ZMYND8: variants seen among roughly 807,000 people sequenced by gnomAD.
ZMYND8 encodes zinc finger MYND-type containing 8.
ZMYND8 carries 37 observed loss-of-function variants against 140.8 expected under a neutral mutation model. The ratio of observed to expected loss-of-function variants is 0.26; its 90% CI spans 0.20 to 0.35. The LOEUF (loss-of-function observed/expected upper bound fraction) is 0.35. Ranked by LOEUF, ZMYND8 falls within the 10% of genes least tolerant of loss-of-function variation. The pLI is 1.00. For missense variants in ZMYND8, 1,068 were observed against 1,570.0 expected (o/e 0.68, Z 5.40); for synonymous variants, 592 against 597.1 (o/e 0.99, Z 0.12).
intron 1 of ZMYND8, chr20:47,353,144 T>C (rs1428178647): frequency 6.6e-6 from 1 of 152,172 alleles, no homozygotes; most frequent in East Asian, 1.9e-4. Flanking sequence ...TTTAAAAACC[T>C]ACCTTTGCCT....
intron 10 of ZMYND8, among the ~76,000 whole-genome samples, chr20:47,281,321 C>CT (rs1353343125): frequency 2.0e-5 from 3 of 152,132 alleles, no homozygotes; most frequent in African/African-American, 4.8e-5. Context: ...TCTGGACACT[C>CT]TGTGTGTGTA....
chr20:47,354,848 T>G (rs1181763693), intron 1 of ZMYND8, among the ~76,000 whole-genome samples: 1 of 152,092 alleles, frequency 6.6e-6, no homozygotes, highest in East Asian at 1.9e-4. Context: ...CCTTAAGTGG[T>G]CAAGGGAAAT....
intron 22 of ZMYND8, among the ~76,000 whole-genome samples, chr20:47,211,836 G>A (rs145343458): frequency 6.6e-6 from 1 of 152,112 alleles, no homozygotes. Context: ...TACTACCTAG[G>A]GGGGCTGCAT....
chr20:47,255,561 AGT>A (rs141205253), intron 12 of ZMYND8, among the ~76,000 whole-genome samples: 8,691 of 119,762 alleles, frequency 0.073, 371 homozygotes, highest in Non-Finnish European at 0.093. Context: ...ACATATACTC[AGT>A]GTGTGTGTGT....
At chr20:47,325,079 A>G (rs1170095605) in intron 2 of ZMYND8, among the ~76,000 whole-genome samples, 1 of 151,802 alleles carries the variant, frequency 6.6e-6, no homozygotes, top group East Asian at 1.9e-4. Context: ...TAATTTTTGT[A>G]TTTTTGGTAG....
At chr20:47,213,591 C>T (rs949063748) in intron 21 of ZMYND8, among the ~76,000 whole-genome samples, 1 of 152,160 alleles carries the variant, frequency 6.6e-6, no homozygotes, top group Non-Finnish European at 1.5e-5. Context: ...GGGAAAGTCA[C>T]AGGACAGGTG....
At chr20:47,230,457 AT>A (rs1265234895) in intron 16 of ZMYND8, among the ~76,000 whole-genome samples, 2 of 151,282 alleles carry the variant, frequency 1.3e-5, no homozygotes, top group Non-Finnish European at 2.9e-5. Flanking sequence ...CACCCAGCTA[AT>A]TTTTTTTCTA....
intron 21 of ZMYND8, 67 bp from the exon 22 acceptor site, chr20:47,212,792 C>T: frequency 5.6e-6 from 8 of 1,433,814 alleles, no homozygotes; most frequent in Non-Finnish European, 7.6e-6. Context: ...ACCCCAAGTG[C>T]TTACTATTTT....
chr20:47,234,511 T>C (rs1292137177), intron 16 of ZMYND8, among the ~76,000 whole-genome samples: 2 of 152,104 alleles, frequency 1.3e-5, no homozygotes, highest in Admixed American at 1.3e-4. Flanking sequence ...TTTGTGTGAG[T>C]CCCAAACCCT....
intron 2 of ZMYND8, among the ~76,000 whole-genome samples, chr20:47,321,638 T>G (rs1355899788): frequency 6.6e-6 from 1 of 152,092 alleles, no homozygotes; most frequent in Non-Finnish European, 1.5e-5. Context: ...GGCCCTGACT[T>G]CAGACTTCAA....
At chr20:47,307,481 T>C (rs2078582438) in intron 3 of ZMYND8, among the ~76,000 whole-genome samples, 1 of 151,500 alleles carries the variant, frequency 6.6e-6, no homozygotes, top group African/African-American at 2.4e-5. Context: ...AATAAATAAA[T>C]AAAGGGACAC....
At chr20:47,294,370 AC>A (rs1461740866) in intron 5 of ZMYND8, among the ~76,000 whole-genome samples, 1 of 132,600 alleles carries the variant, frequency 7.5e-6, no homozygotes. Context: ...AAACAAACAA[AC>A]AAAAAAAAAA....
chr20:47,258,702 T>A (rs570522382), intron 12 of ZMYND8, among the ~76,000 whole-genome samples: 2 of 152,288 alleles, frequency 1.3e-5, no homozygotes, highest in Admixed American at 1.3e-4. Flanking sequence ...TGTCCCTGTC[T>A]GGGGAAAGTC....
chr20:47,247,381 T>C (rs1328139185), intron 13 of ZMYND8, among the ~76,000 whole-genome samples: 1 of 152,150 alleles, frequency 6.6e-6, no homozygotes, highest in Non-Finnish European at 1.5e-5. Flanking sequence ...TCGTGGAAAG[T>C]CAACTGCCAC....
chr20:47,213,399 A>C (rs1002334857), intron 21 of ZMYND8, among the ~76,000 whole-genome samples: 1 of 152,270 alleles, frequency 6.6e-6, no homozygotes, highest in Non-Finnish European at 1.5e-5. Context: ...ACTCCAGGAA[A>C]AAGGCTATAA....
At chr20:47,214,830 G>A (rs555379870) in intron 21 of ZMYND8, among the ~76,000 whole-genome samples, 12 of 152,204 alleles carry the variant, frequency 7.9e-5, no homozygotes, top group African/African-American at 2.4e-4. Flanking sequence ...GTGTAGCCCC[G>A]GGTGCACCTC....
intron 2 of ZMYND8, among the ~76,000 whole-genome samples, chr20:47,345,702 T>C (rs1454511379): frequency 6.6e-6 from 1 of 151,860 alleles, no homozygotes; most frequent in African/African-American, 2.4e-5. Context: ...AGAGATGGGG[T>C]TTCACCGTGT....
At chr20:47,272,245 T>C (rs1351033976) in intron 11 of ZMYND8, among the ~76,000 whole-genome samples, 17 of 150,546 alleles carry the variant, frequency 1.1e-4, no homozygotes, top group Admixed American at 1.1e-3. Flanking sequence ...GCCCAGCTAA[T>C]TTTTTGTATT....
intron 11 of ZMYND8, among the ~76,000 whole-genome samples, chr20:47,270,848 C>G (rs192187561): frequency 6.6e-6 from 1 of 151,694 alleles, no homozygotes; most frequent in South Asian, 2.1e-4. Context: ...GAGGCAGAGG[C>G]GGGCAGATCA....
Sources: allele counts gnomAD v4.1 joint callset (sites outside exome capture counted in the v4.1 genomes callset), GRCh38; gene constraint gnomAD v4.1.1; transcripts MANE v1.5; gene names NCBI Gene and HGNC (gene_info 2026-07-23, HGNC 2026-07-21).